Variants in DOCK8 observed in about 807,000 individuals in gnomAD.
DOCK8 encodes the protein dedicator of cytokinesis 8, also known as dedicator of cytokinesis protein 8.
A neutral mutation model predicts 245.6 loss-of-function variants in DOCK8; 141 were observed. The observed-to-expected ratio is 0.57, with a 90% CI of 0.50 to 0.66. DOCK8 has a LOEUF of 0.66. Ranked by LOEUF, DOCK8 falls within the 30% of genes least tolerant of loss-of-function variation. DOCK8 has a pLI of 0.00. For missense variants in DOCK8, 2,965 were observed against 2,603.4 expected (o/e 1.14, Z -3.02); for synonymous variants, 1,168 against 970.2 (o/e 1.20, Z -3.79).
chr9:303,858 G>T (rs1360364664), intron 4 of DOCK8, among the ~76,000 whole-genome samples: 1 of 152,192 alleles, frequency 6.6e-6, no homozygotes, highest in Non-Finnish European at 1.5e-5. Context: ...AAAGTGGCGT[G>T]TTTGTGCACT....
intron 28 of DOCK8, among the ~76,000 whole-genome samples, chr9:411,090 C>T (rs1264575315): frequency 6.6e-6 from 1 of 152,100 alleles, no homozygotes; most frequent in Non-Finnish European, 1.5e-5. Context: ...ATCAAACTTC[C>T]CACATACACC....
rs544516034 is a variant in DOCK8 at position 265,164 on chromosome 9, G to A, written c.54-6463G>A. On this transcript the variant is annotated intron_variant, in intron 1 of 47. Coordinates refer to ENST00000432829, the MANE Select transcript of DOCK8 (RefSeq NM_203447.4). The stretch of plus-strand genomic sequence containing the variant: ...CCAGGCTGGTCTTGAACTCCTGACC[G>A]CAGGTGATCCACCCGCCTTGGCCTC... 5.6e-4 allele frequency among the ~76,000 whole-genome samples: 85 copies of A among 152,148 alleles called. 1 individual carries two copies. The highest frequency in any genetic ancestry group is 1.8e-3 in the African/African-American group (74 of 41,534).
At chr9:242,270 A>C (rs2047391247) in intron 1 of DOCK8, among the ~76,000 whole-genome samples, 1 of 152,174 alleles carries the variant, frequency 6.6e-6, no homozygotes, top group Non-Finnish European at 1.5e-5. Flanking sequence ...GCTGTGCTCC[A>C]ACCCAAGCCA....
intron 24 of DOCK8, among the ~76,000 whole-genome samples, chr9:393,609 G>A (rs1216743485): frequency 6.6e-6 from 1 of 152,106 alleles, no homozygotes; most frequent in East Asian, 1.9e-4. Context: ...GGGCTTCGTT[G>A]GCCCAGGAGA....
intron 44 of DOCK8, among the ~76,000 whole-genome samples, chr9:448,360 A>G (rs7855462): frequency 0.77 from 117,808 of 152,114 alleles, 46,232 homozygotes; most frequent in East Asian, 0.99. Flanking sequence ...CTCCTACCTC[A>G]GCCTCCCAAG....
intron 13 of DOCK8, among the ~76,000 whole-genome samples, 174 bp from the exon 14 acceptor site, chr9:339,985 C>G (rs560270712): frequency 6.6e-6 from 1 of 152,156 alleles, no homozygotes; most frequent in East Asian, 1.9e-4. Flanking sequence ...GGCTAAATCT[C>G]GAAAGTTATC....
At chr9:375,597 G>C (rs2053481745) in intron 18 of DOCK8, among the ~76,000 whole-genome samples, 1 of 152,178 alleles carries the variant, frequency 6.6e-6, no homozygotes, top group East Asian at 1.9e-4. Flanking sequence ...AATCATCAAT[G>C]CTGGTTTGGA....
intron 46 of DOCK8, chr9:452,384 C>T: frequency 4.3e-6 from 1 of 234,960 alleles, no homozygotes; most frequent in Non-Finnish European, 8.3e-6. Flanking sequence ...ACTAACACGT[C>T]AACTATGAAA....
At position 428,394 on chromosome 9, in the gene DOCK8, G is replaced by C; in HGVS notation, c.4371G>C (p.Leu1457=). ...ASSALDCKDS[L]LGGVLRVLVN... ...CGGCTCTGGACTGTAAAGACAGCCTGCTGGGAGGTGTTCTGAGGGTGCTGG... is the reference window on the plus strand; with the variant it reads ...CGGCTCTGGACTGTAAAGACAGCCTCCTGGGAGGTGTTCTGAGGGTGCTGG... The change falls in exon 35 of 48, where the codon CTG becomes CTC. Residue 1457 remains leucine, a synonymous_variant. Transcript: ENST00000432829. 1 of 1,614,220 alleles carries C rather than the reference G, an allele frequency of 6.2e-7. No homozygotes were observed. The highest frequency in any genetic ancestry group is 8.5e-7 in the Non-Finnish European group (1 of 1,180,044).
chr9:352,791 T>A lies in DOCK8; in HGVS notation c.1679+12470T>A, dbSNP rs541819567. On this transcript the variant is annotated intron_variant, in intron 14 of 47. Transcript: ENST00000432829. ...TATCTTCTGAAAGAAATGAAGTCTG[T>A]AAGAAGGACTGTTAACCCTCAGAAT... 4.0e-5 allele frequency among the ~76,000 whole-genome samples: 6 copies of A among 151,238 alleles called. No homozygotes were observed. The South Asian group carries it at 1.3e-3, about 32-fold the overall frequency.
chr9:224,785 T>C (rs1357979381), intron 1 of DOCK8, among the ~76,000 whole-genome samples: 4 of 152,094 alleles, frequency 2.6e-5, no homozygotes, highest in Non-Finnish European at 5.9e-5. Context: ...CATACGGCAT[T>C]TATACTAGCA....
chr9:391,983 CA>C (rs2054211739), intron 24 of DOCK8, among the ~76,000 whole-genome samples: 1 of 151,450 alleles, frequency 6.6e-6, no homozygotes, highest in Non-Finnish European at 1.5e-5. Context: ...ACTAAAAATA[CA>C]AAAATTAGCC....
chr9:376,890 A>T, intron 19 of DOCK8, 87 bp from the exon 20 acceptor site: 2 of 1,199,038 alleles, frequency 1.7e-6, no homozygotes. Flanking sequence ...GGTTCTACCC[A>T]TAAAGAGCTA....
intron 25 of DOCK8, among the ~76,000 whole-genome samples, chr9:398,160 G>C (rs1329587789): frequency 6.6e-6 from 1 of 152,176 alleles, no homozygotes. Context: ...GCACAGTGAG[G>C]TTGATAAATT....
intron 3 of DOCK8, among the ~76,000 whole-genome samples, chr9:288,976 A>G (rs2048933512): frequency 1.3e-5 from 2 of 152,332 alleles, no homozygotes; most frequent in Admixed American, 1.3e-4. Flanking sequence ...CTTGAAGAGT[A>G]TTGCTCATGG....
intron 41 of DOCK8, 144 bp downstream of exon 41, chr9:441,561 T>G: frequency 7.6e-7 from 1 of 1,318,042 alleles, no homozygotes; most frequent in Non-Finnish European, 1.1e-6. Context: ...AGAAAAGGGC[T>G]GAAATTCTTC....
chr9:326,551 C>A (rs553444503), intron 8 of DOCK8, among the ~76,000 whole-genome samples: 1 of 152,294 alleles, frequency 6.6e-6, no homozygotes, highest in East Asian at 1.9e-4. Context: ...TTCTAACAGT[C>A]CCCTGCTGAT....
chr9:365,848 C>A, intron 14 of DOCK8: 1 of 353,452 alleles, frequency 2.8e-6, no homozygotes, highest in Non-Finnish European at 5.5e-6. Context: ...GGGGTCTGTA[C>A]CCCACACACA....
At chr9:344,780 G>A (rs1006910982) in intron 14 of DOCK8, among the ~76,000 whole-genome samples, 1 of 152,158 alleles carries the variant, frequency 6.6e-6, no homozygotes, top group Non-Finnish European at 1.5e-5. Flanking sequence ...AGGTGTGGTG[G>A]CTCACACCTA....
Sources: gnomAD v4.1 joint callset for allele counts (sites outside exome capture counted in the v4.1 genomes callset) on GRCh38, gnomAD v4.1.1 for gene constraint, MANE v1.5 for transcripts, NCBI Gene and HGNC (gene_info 2026-07-23, HGNC 2026-07-21) for gene names.